Variants in FAM186A observed in about 807,000 individuals in gnomAD.
FAM186A encodes the protein family with sequence similarity 186 member A, also known as protein FAM186A.
In FAM186A, 163 loss-of-function variants were observed where a neutral mutation model predicts 216.8. The ratio of observed to expected loss-of-function variants is 0.75; its 90% confidence interval spans 0.66 to 0.86. FAM186A has a LOEUF of 0.86. Ranked by LOEUF, FAM186A falls within the 40% of genes least tolerant of loss-of-function variation. The pLI is 0.00. For missense variants in FAM186A, 2,184 were observed against 2,746.2 expected, an observed-to-expected ratio of 0.80 and a Z score of 4.58; for synonymous variants, 805 against 1,025.3, an observed-to-expected ratio of 0.79 and a Z score of 4.10.
intron 1 of FAM186A, among the ~76,000 whole-genome samples, chr12:50,386,578 A>C (rs59163743): frequency 0.1 from 15,153 of 151,576 alleles, 1,489 homozygotes; most frequent in East Asian, 0.35. Flanking sequence ...ACAGAAAAAG[A>C]ACATTTTGGC....
intron 2 of FAM186A, among the ~76,000 whole-genome samples, chr12:50,362,360 C>T (rs1169478088): frequency 1.3e-5 from 2 of 152,128 alleles, no homozygotes; most frequent in Non-Finnish European, 1.5e-5. Context: ...AAAACAAGTT[C>T]CCTAACTTCA....
At position 50,353,718 on chromosome 12, in the gene FAM186A, G is replaced by T. The variant is rs1354913150; in HGVS notation, c.3114C>A (p.Asn1038Lys). 3.2e-6 allele frequency: 5 copies of T among 1,545,188 alleles called. No individual in the cohort carries two copies. Among genetic ancestry groups the T allele is most frequent in the East Asian group, 4.9e-5 (2 of 40,906 alleles). Residue 1038 changes from asparagine to lysine, a missense_variant, in exon 4 of 8, where the codon AAC (asparagine) becomes AAA (lysine). This residue lies in a region of FAM186A where 1,132 missense variants were observed against 1,263.4 expected (regional missense o/e 0.90). Coordinates refer to ENST00000327337, the MANE Select transcript of FAM186A (RefSeq NM_001145475.3). ...EFQRNLKTLE[N>K]LPDEKEPISI... ...ATATGGGCTCCTTTTCATCAGGAAG[G>T]TTCTCTAATGTCTTCAGATTCCTCT...
intron 4 of FAM186A, among the ~76,000 whole-genome samples, chr12:50,347,436 A>G (rs1357305372): frequency 6.6e-6 from 1 of 152,132 alleles, no homozygotes; most frequent in Non-Finnish European, 1.5e-5. Context: ...TAGGCAGATC[A>G]ATAGAAAATA....
At chr12:50,339,076 G>A (rs1231317166) in intron 4 of FAM186A, among the ~76,000 whole-genome samples, 2 of 150,342 alleles carry the variant, frequency 1.3e-5, no homozygotes, top group Non-Finnish European at 3.0e-5. Context: ...GTGTAGTGGT[G>A]CATCCATGGC....
Position 50,352,812 on chromosome 12 carries a change from G to C in FAM186A, c.4020C>G (p.Thr1340=). Residue 1340 remains threonine, a synonymous_variant, in exon 4 of 8, where the codon ACC becomes ACG. Transcript: ENST00000327337. ...TCCCCAAGGCCTGGGCCTGCTGAGG[G>C]GTGAGAGTGATCTCCTGAGTCTGCG... ...QQAQTQEITL[T]PQQAQALGMP... is the part of the protein sequence containing the mutation. 2 of 1,547,694 alleles carry C rather than the reference G, an allele frequency of 1.3e-6. No individual in the cohort carries two copies. The highest frequency in any genetic ancestry group is 1.7e-6 in the Non-Finnish European group (2 of 1,145,586).
chr12:50,372,994 G>GAAA (rs1943157497), intron 1 of FAM186A, among the ~76,000 whole-genome samples: 4 of 59,508 alleles, frequency 6.7e-5, no homozygotes, highest in East Asian at 3.9e-4. Flanking sequence ...AAGGAAGGAA[G>GAAA]GAATGAAAGA....
chr12:50,329,515 T>C (rs1280332671), intron 7 of FAM186A, among the ~76,000 whole-genome samples: 1 of 152,156 alleles, frequency 6.6e-6, no homozygotes, highest in Non-Finnish European at 1.5e-5. Flanking sequence ...GTAATATTTT[T>C]CTTAATATTT....
Position 50,351,078 on chromosome 12 carries a change from T to A in FAM186A, c.5754A>T (p.Arg1918=). 1.9e-6 allele frequency: 3 copies of A among 1,551,376 alleles called. No homozygotes were observed. Among genetic ancestry groups the A allele is most frequent in the Non-Finnish European group, 2.6e-6 (3 of 1,146,948 alleles). The part of the protein sequence containing the change: ...QHLATWTLPG[R]ASSLWIPPTS... ...TGGGAGGGATCCATAATGAAGAAGC[T>A]CGCCCAGGAAGGGTCCATGTTGCCA... Residue 1918 remains arginine, a synonymous_variant, in exon 4 of 8, where the codon CGA becomes CGT. Coordinates refer to ENST00000327337, the MANE Select transcript of FAM186A (RefSeq NM_001145475.3).
intron 3 of FAM186A, among the ~76,000 whole-genome samples, chr12:50,358,945 C>A (rs1445753334): frequency 1.6e-5 from 2 of 122,440 alleles, no homozygotes; most frequent in Non-Finnish European, 3.5e-5. Context: ...AAAGTTAAAA[C>A]TCAATTTCAA....
chr12:50,358,698 G>A (rs1357139011), intron 3 of FAM186A, among the ~76,000 whole-genome samples: 1 of 152,082 alleles, frequency 6.6e-6, no homozygotes, highest in Non-Finnish European at 1.5e-5. Context: ...GCCGAGGAGG[G>A]TGGATCACGA....
rs529296589 is a variant in FAM186A at position 50,351,439 on chromosome 12, G to C, written c.5393C>G (p.Ser1798Cys). The C allele has an allele frequency of 2.2e-5, 33 of 1,470,328 alleles. No individual in the cohort carries two copies. The South Asian group carries it at 4.8e-4, about 21-fold the overall frequency. The allele number at this position is 1,470,328 out of a possible 1,614,324, so 91.1% of individuals were successfully genotyped here. The change falls in exon 4 of 8, where the codon TCT (serine) becomes TGT (cysteine). Residue 1798 changes from serine to cysteine, a missense_variant. Physicochemically the swap from Ser to Cys is moderately radical, Grantham distance 112. Around this residue, in one of 7 missense-constraint regions of FAM186A, gnomAD observed 721 missense variants for 816.4 expected, o/e 0.88. Transcript: ENST00000327337. ...ACCTCCGTATACCAGGGTCTGTCCA[G>C]AGGAACGAAGAGTCTGTGGTGCCCC... ...KLGAPQTLRS[S>C]GQTLVYGGQS...
In FAM186A at chr12:50,330,644, TG is replaced by T; in HGVS notation, c.6962del (p.Pro2321GlnfsTer9). The stretch of plus-strand genomic sequence containing the variant: ...CTAACTGAAGCAGCCTGGGAATATC[TG>T]GGTACCCACCCAGCTGGGCCCAGAG... ...HSLWAQLGGY[P>X]DIPRLLQLEV... On this transcript the variant is annotated frameshift_variant, in exon 7 of 8. Coordinates refer to ENST00000327337, the MANE Select transcript of FAM186A (RefSeq NM_001145475.3). LOFTEE classifies it high-confidence loss of function. 3.2e-6 allele frequency: 5 copies of T among 1,550,722 alleles called. No homozygotes were observed. Among genetic ancestry groups the T allele is most frequent in the Non-Finnish European group, 4.4e-6 (5 of 1,146,544 alleles).
intron 7 of FAM186A, 136 bp downstream of exon 7, chr12:50,330,437 T>C: frequency 1.2e-6 from 1 of 812,958 alleles, no homozygotes; most frequent in South Asian, 1.8e-5. Context: ...ATTTTATGAC[T>C]GGTGTGAGTC....
At position 50,352,857 on chromosome 12, in the gene FAM186A, G is replaced by A; in HGVS notation, c.3975C>T (p.Ile1325=). 1 of 1,531,858 alleles carries A rather than the reference G, an allele frequency of 6.5e-7. No homozygotes were observed. Among genetic ancestry groups the A allele is most frequent in the Non-Finnish European group, 8.8e-7 (1 of 1,138,896 alleles). The allele number at this position is 1,531,858 out of a possible 1,614,324, so 94.9% of individuals were successfully genotyped here. A position where few individuals can be genotyped will look rare whatever the true frequency, so the allele number is the denominator to read the frequency against. The change falls in exon 4 of 8, where the codon ATC becomes ATT. Residue 1325 remains isoleucine, a synonymous_variant. Transcript: ENST00000327337. Reference sequence around the variant, plus strand: ...TCTGCGCCTGCTGAGGGGTGAGAGGGATCCCCAGGGCCTGCGCCTGCTGAG... The same window carrying A: ...TCTGCGCCTGCTGAGGGGTGAGAGGAATCCCCAGGGCCTGCGCCTGCTGAG... The part of the protein sequence containing the change: ...FTPQQAQALG[I]PLTPQQAQTQ...
Position 50,355,625 on chromosome 12 carries a change from A to T in FAM186A, c.1207T>A (p.Ser403Thr), listed in dbSNP as rs1161414555. ...ETKDSGIKWD[S>T]TISYTAQAER... ...GCTTGGGCTGTATATGAAATAGTGG[A>T]GTCCCATTTTATCCCAGAGTCCTTG... The change falls in exon 4 of 8, where the codon TCC becomes ACC. Residue 403 changes from serine to threonine, a missense_variant. Physicochemically the swap from Ser to Thr is moderately conservative, Grantham distance 58. This residue lies in a region of FAM186A where 1,132 missense variants were observed against 1,263.4 expected (regional missense o/e 0.90). Coordinates refer to ENST00000327337, the MANE Select transcript of FAM186A (RefSeq NM_001145475.3). The T allele has an allele frequency of 6.4e-7, 1 of 1,551,564 alleles. No individual in the cohort carries two copies. Among genetic ancestry groups the T allele is most frequent in the Admixed American group, 2.0e-5 (1 of 50,984 alleles).
rs1555218962 is a variant in FAM186A at position 50,383,278 on chromosome 12, A to AAAAGAG, written c.192+13014_192+13015insCTCTTT. 1.0e-3 allele frequency among the ~76,000 whole-genome samples: 49 copies of AAAAGAG among 49,228 alleles called. 1 individual carries two copies. Among genetic ancestry groups the AAAAGAG allele is most frequent in the African/African-American group, 2.5e-3 (48 of 19,040 alleles). 32.3% of individuals were successfully genotyped at this position (49,228 alleles called of 152,430 possible). Reference sequence around the variant, plus strand: ...AAAAAAAAAAAAAAAAAAAAAAAAAAAGAGAGAGAGAGAGAGAAAGAAAAG... The same window carrying AAAAGAG: ...AAAAAAAAAAAAAAAAAAAAAAAAAAAAAGAGAGAGAGAGAGAGAGAGAAAGAAAAG... On this transcript the variant is annotated intron_variant, in intron 1 of 7. Transcript: ENST00000327337.
chr12:50,371,633 G>A (rs1943143234), intron 1 of FAM186A, among the ~76,000 whole-genome samples: 1 of 152,088 alleles, frequency 6.6e-6, no homozygotes, highest in South Asian at 2.1e-4. Context: ...GTTTTTAGGG[G>A]ATAAGGAGAA....
chr12:50,390,900 G>A (rs186478023), intron 1 of FAM186A, among the ~76,000 whole-genome samples: 1 of 152,232 alleles, frequency 6.6e-6, no homozygotes, highest in Non-Finnish European at 1.5e-5. Flanking sequence ...ATGTTGCCTA[G>A]GGTGGTCTCA....
At chr12:50,395,121 G>T (rs755711897) in intron 1 of FAM186A, among the ~76,000 whole-genome samples, 6 of 152,088 alleles carry the variant, frequency 3.9e-5, no homozygotes, top group Non-Finnish European at 8.8e-5. Context: ...TTGAGACAGG[G>T]TCTCGCTATG....
Sources: allele counts gnomAD v4.1 joint callset (sites outside exome capture counted in the v4.1 genomes callset), GRCh38; gene constraint gnomAD v4.1.1; regional missense constraint gnomAD v4.1.1; transcripts MANE v1.5; gene names NCBI Gene and HGNC (gene_info 2026-07-23, HGNC 2026-07-21).